MYO7A: variants seen among roughly 807,000 people sequenced by gnomAD.
MYO7A encodes unconventional myosin-VIIa.
Under a neutral mutation model 263.8 loss-of-function variants are expected in MYO7A, and 210 were observed. The ratio of observed to expected loss-of-function variants is 0.80; its 90% confidence interval spans 0.71 to 0.89. MYO7A has a LOEUF of 0.89. Among genes scored for constraint, MYO7A ranks in the 40% least tolerant of loss-of-function variants. The pLI is 0.00. For synonymous variants in MYO7A, 1,239 were observed against 1,197.3 expected, an observed-to-expected ratio of 1.03 and a Z score of -0.72; for missense variants, 2,820 against 2,968.3, an observed-to-expected ratio of 0.95 and a Z score of 1.16.
Position 77,155,939 on chromosome 11 carries a change from C to A in MYO7A, c.318C>A (p.Asn106Lys). ...TYTGSILVAV[N>K]PYQLLSIYSP... is the part of the protein sequence containing the mutation. Reference sequence around the variant, plus strand: ...CGGGCTCCATCCTGGTGGCTGTGAACCCCTACCAGCTGCTCTCCATCTACT... The same window carrying A: ...CGGGCTCCATCCTGGTGGCTGTGAAACCCTACCAGCTGCTCTCCATCTACT... Residue 106 changes from asparagine (N) to lysine (K), a missense_variant, in exon 5 of 49, where the codon AAC (asparagine) becomes AAA (lysine). Transcript: ENST00000409709. The A allele has an allele frequency of 6.2e-7, 1 of 1,610,314 alleles. No individual in the cohort carries two copies. Among genetic ancestry groups the A allele is most frequent in the Non-Finnish European group, 8.5e-7 (1 of 1,177,966 alleles).
chr11:77,182,199 C>T, intron 24 of MYO7A, 45 bp downstream of exon 24: 1 of 1,605,352 alleles, frequency 6.2e-7, no homozygotes, highest in Non-Finnish European at 8.5e-7. Context: ...GGGGCCAGGG[C>T]TGGGGCTATG....
chr11:77,187,455 C>T (rs528787137), intron 27 of MYO7A, among the ~76,000 whole-genome samples: 3 of 152,174 alleles, frequency 2.0e-5, no homozygotes, highest in South Asian at 2.1e-4. Flanking sequence ...GTAAGCGCCC[C>T]GTAGATGGTA....
At chr11:77,157,214 C>G in intron 7 of MYO7A, 65 bp from the exon 8 acceptor site, 1 of 1,404,650 alleles carries the variant, frequency 7.1e-7, no homozygotes, top group East Asian at 2.4e-5. Context: ...TCATCCCAGG[C>G]TAGTTCCTGA....
intron 18 of MYO7A, among the ~76,000 whole-genome samples, chr11:77,176,586 A>G (rs1591358054): frequency 6.6e-6 from 1 of 152,238 alleles, no homozygotes; most frequent in Non-Finnish European, 1.5e-5. Flanking sequence ...GATGGCATCT[A>G]GTACCAGGGA....
In MYO7A at chr11:77,214,666, C is replaced by G; in HGVS notation, c.6618C>G (p.Ser2206Arg). The G allele has an allele frequency of 6.3e-7, 1 of 1,587,006 alleles. No homozygotes were observed. Among genetic ancestry groups the G allele is most frequent in the Non-Finnish European group, 8.6e-7 (1 of 1,166,676 alleles). ...TTAGCCAGATGCTCACAGCCATGAG[C>G]AAACAGCGGGGCTCCAGGAGCGGCA... The part of the protein sequence containing the change: ...SYISQMLTAM[S>R]KQRGSRSGK Residue 2206 changes from serine (S) to arginine (R), a missense_variant, in exon 49 of 49, where the codon AGC becomes AGG. Transcript: ENST00000409709.
rs782231370 is a variant in MYO7A, at chr11:77,171,172, C to T, written c.1798-1576C>T. On this transcript the variant is annotated intron_variant, in intron 15 of 48. Transcript: ENST00000409709. Reference sequence around the variant, plus strand: ...AAGACCAAAGAAGGGTGTGCGTGCGCGTGTGTGTACACGCGGTGGTATGCG... The same window carrying T: ...AAGACCAAAGAAGGGTGTGCGTGCGTGTGTGTGTACACGCGGTGGTATGCG... 7.9e-4 allele frequency among the ~76,000 whole-genome samples: 120 copies of T among 152,296 alleles called. 2 individuals carry two copies. Among genetic ancestry groups the T allele is most frequent in the Admixed American group, 7.2e-4 (11 of 15,304 alleles).
rs367703365 is a variant in MYO7A, at chr11:77,130,741, G to T, written c.18+89G>T. 24 of 1,461,872 alleles carry T rather than the reference G, an allele frequency of 1.6e-5. No individual in the cohort carries two copies. The South Asian group carries it at 2.8e-4, about 17-fold the overall frequency. 90.6% of individuals were successfully genotyped at this position (1,461,872 alleles called of 1,614,324 possible). A position where few individuals can be genotyped will look rare whatever the true frequency, so the allele number is the denominator to read the frequency against. On this transcript the variant is annotated intron_variant, in intron 2 of 48. Coordinates refer to ENST00000409709, the MANE Select transcript of MYO7A (RefSeq NM_000260.4). ...TTACCCGTGGGACACCCTCCCCAGG[G>T]TGTTCTCTTGGAAAATTCCTGCCTA...
Position 77,161,531 on chromosome 11 carries a change from A to G in MYO7A, c.1343+416A>G, listed in dbSNP as rs987701802. On this transcript the variant is annotated intron_variant, in intron 12 of 48. Transcript: ENST00000409709. ...GAGGGACTGATGGGTGGTGTCACAT[A>G]CAGGCGGGTCCTGGAGCCCCACTTC... Among the ~76,000 whole-genome samples the G allele has an allele frequency of 4.5e-4, 69 of 152,270 alleles. 1 individual carries two copies. The highest frequency in any genetic ancestry group is 1.6e-3 in the African/African-American group (66 of 41,556).
intron 26 of MYO7A, 123 bp from the exon 27 acceptor site, chr11:77,184,465 C>A: frequency 1.3e-6 from 1 of 790,360 alleles, no homozygotes; most frequent in South Asian, 1.7e-5. Flanking sequence ...ATGGGGAGCC[C>A]AGTTCTTCTG....
rs34517202 is a variant in MYO7A at position 77,214,596 on chromosome 11, C to T, written c.6559-11C>T. The T allele has an allele frequency of 0.021, 33,374 of 1,556,648 alleles. 422 individuals are homozygous for T. Among genetic ancestry groups the T allele is most frequent in the Middle Eastern group, 0.027 (165 of 6,006 alleles). On this transcript the variant is annotated splice_polypyrimidine_tract_variant and intron_variant, in intron 48 of 48. Coordinates refer to ENST00000409709, the MANE Select transcript of MYO7A (RefSeq NM_000260.4). ...CCGTGTGCTCGCTTATCTTCTCACC[C>T]CTGCTTCCAGGGCTACAAGATGGAT...
chr11:77,175,496 G>C (rs1041856959), intron 18 of MYO7A, 32 bp downstream of exon 18: 2 of 1,593,122 alleles, frequency 1.3e-6, no homozygotes, highest in Non-Finnish European at 8.6e-7. Context: ...GGGCTGCCCT[G>C]GGGGGGCTGT....
chr11:77,188,748 A>G (rs1555089779), intron 27 of MYO7A, among the ~76,000 whole-genome samples: 1 of 152,208 alleles, frequency 6.6e-6, no homozygotes, highest in African/African-American at 2.4e-5. Flanking sequence ...TAAAATGAAC[A>G]CCAAAAAATT....
chr11:77,178,370 A>T (rs1338853779), intron 19 of MYO7A, among the ~76,000 whole-genome samples: 1 of 149,810 alleles, frequency 6.7e-6, no homozygotes, highest in Non-Finnish European at 1.5e-5. Flanking sequence ...CCATCCATTC[A>T]CTCATCAGTC....
chr11:77,130,307 C>T (rs1387083107), intron 1 of MYO7A, among the ~76,000 whole-genome samples: 1 of 152,248 alleles, frequency 6.6e-6, no homozygotes, highest in Non-Finnish European at 1.5e-5. Context: ...TGCCGTAGGT[C>T]CCTGGTGGGG....
Position 77,156,095 on chromosome 11 carries a change from G to C in MYO7A, c.470+4G>C, listed in dbSNP as rs782589007. ...GAGACCAGTGCTGCATCATCAGGTGGGCGGCCCAGCACCTGTGTGGAGCTC... is the reference window on the plus strand; with the variant it reads ...GAGACCAGTGCTGCATCATCAGGTGCGCGGCCCAGCACCTGTGTGGAGCTC... On this transcript the variant is annotated splice_donor_region_variant and intron_variant, in intron 5 of 48. Coordinates refer to ENST00000409709, the MANE Select transcript of MYO7A (RefSeq NM_000260.4). The C allele has an allele frequency of 1.9e-6, 3 of 1,613,324 alleles. No homozygotes were observed. The highest frequency in any genetic ancestry group is 1.7e-6 in the Non-Finnish European group (2 of 1,179,778).
intron 2 of MYO7A, chr11:77,142,505 G>T (rs1357152378): frequency 4.6e-6 from 3 of 646,938 alleles, no homozygotes; most frequent in Non-Finnish European, 8.6e-6. Context: ...CTGTTCTAGA[G>T]GGGGGATTGA....
At chr11:77,173,527 C>T (rs12272102) in intron 16 of MYO7A, among the ~76,000 whole-genome samples, 3,394 of 152,234 alleles carry the variant, frequency 0.022, 112 homozygotes, top group African/African-American at 0.077. Context: ...GTTAGAGATG[C>T]GGGACTGGGG....
At chr11:77,199,464 T>A in intron 34 of MYO7A, 71 bp from the exon 35 acceptor site, 2 of 1,404,066 alleles carry the variant, frequency 1.4e-6, no homozygotes, top group Non-Finnish European at 1.9e-6. Flanking sequence ...TAGCCTGAGA[T>A]GTGTCTGAGC....
intron 44 of MYO7A, 115 bp downstream of exon 44, chr11:77,208,918 T>G: frequency 1.2e-6 from 1 of 802,636 alleles, no homozygotes; most frequent in African/African-American, 1.7e-5. Context: ...CAGCCTGGCC[T>G]CAAAGGGATT....
Sources: gnomAD v4.1 joint callset for allele counts (sites outside exome capture counted in the v4.1 genomes callset) on GRCh38, gnomAD v4.1.1 for gene constraint, MANE v1.5 for transcripts, NCBI Gene and HGNC (gene_info 2026-07-23, HGNC 2026-07-21) for gene names.